RIMS1: variants seen among roughly 807,000 people sequenced by gnomAD.
RIMS1 encodes the protein regulating synaptic membrane exocytosis protein 1.
In RIMS1, 83 loss-of-function variants were observed where a neutral mutation model predicts 214.1. The ratio of observed to expected loss-of-function variants is 0.39; its 90% CI spans 0.32 to 0.47. The LOEUF is 0.47. RIMS1 is among the 20% of genes least tolerant of loss of function. The pLI, the probability that RIMS1 is intolerant of heterozygous loss-of-function variation, is 0.99. For synonymous variants in RIMS1, 793 were observed against 786.8 expected (o/e 1.01, Z -0.13); for missense variants, 2,050 against 2,161.8 (o/e 0.95, Z 1.03).
At chr6:72,169,092 T>G (rs1222439244) in intron 4 of RIMS1, among the ~76,000 whole-genome samples, 1 of 152,200 alleles carries the variant, frequency 6.6e-6, no homozygotes, top group East Asian at 1.9e-4. Context: ...AGAAGATAAA[T>G]GGATTTGGAT....
chr6:72,046,793 T>A (rs1057055322), intron 2 of RIMS1, among the ~76,000 whole-genome samples: 1 of 152,172 alleles, frequency 6.6e-6, no homozygotes, highest in Non-Finnish European at 1.5e-5. Flanking sequence ...ATAAAATAGA[T>A]GTCTGCGACT....
At chr6:72,142,929 A>C (rs539355386) in intron 4 of RIMS1, among the ~76,000 whole-genome samples, 14 of 152,198 alleles carry the variant, frequency 9.2e-5, no homozygotes, top group Non-Finnish European at 1.9e-4. Context: ...AATTTATTAG[A>C]AGTAGAGAAA....
intron 19 of RIMS1, chr6:72,262,108 G>A: frequency 1.0e-6 from 1 of 984,778 alleles, no homozygotes; most frequent in Non-Finnish European, 1.2e-6. Flanking sequence ...TACTTAGTGT[G>A]TGCCTGGCAC....
In RIMS1 at chr6:72,109,805, G is replaced by C. The variant is rs554701066; in HGVS notation, c.471+9819G>C. Among the ~76,000 whole-genome samples, 13 of 152,148 alleles carry C rather than the reference G, an allele frequency of 8.5e-5. No homozygotes were observed. In the South Asian group the frequency reaches 2.5e-3, roughly 29 times the overall value. The stretch of plus-strand genomic sequence containing the variant: ...CCTGTGTCCTGAATGGTAATGCCTA[G>C]GTTTTCTTCTAGGGTTTTTATGGTT... On this transcript the variant is annotated intron_variant, in intron 4 of 33. Transcript: ENST00000521978.
intron 26 of RIMS1, among the ~76,000 whole-genome samples, chr6:72,292,928 C>T (rs2093613445): frequency 6.6e-6 from 1 of 151,880 alleles, no homozygotes; most frequent in Non-Finnish European, 1.5e-5. Context: ...TTTTTTTCAG[C>T]AGTGTTATTG....
At chr6:72,282,012 T>C (rs2090351116) in intron 23 of RIMS1, among the ~76,000 whole-genome samples, 1 of 151,976 alleles carries the variant, frequency 6.6e-6, no homozygotes, top group Admixed American at 6.6e-5. Context: ...GCCTAGTATA[T>C]ATACATGCAC....
chr6:72,024,842 A>G (rs989060266), intron 2 of RIMS1, among the ~76,000 whole-genome samples: 2 of 150,516 alleles, frequency 1.3e-5, no homozygotes, highest in Non-Finnish European at 3.0e-5. Flanking sequence ...CATAAATAAT[A>G]TATTAAATAA....
intron 2 of RIMS1, among the ~76,000 whole-genome samples, chr6:71,975,816 C>G (rs1796981464): frequency 6.6e-6 from 1 of 152,038 alleles, no homozygotes; most frequent in South Asian, 2.1e-4. Flanking sequence ...TAAATGGAAT[C>G]ATATTATATG....
chr6:71,950,354 T>C (rs933808688), intron 1 of RIMS1, among the ~76,000 whole-genome samples: 1 of 151,950 alleles, frequency 6.6e-6, no homozygotes, highest in African/African-American at 2.4e-5. Flanking sequence ...GTGAATTTTA[T>C]TGTATAGATT....
At position 72,258,261 on chromosome 6, in the gene RIMS1, A is replaced by G; in HGVS notation, c.2907A>G (p.Leu969=). The G allele has an allele frequency of 6.2e-7, 1 of 1,613,324 alleles. No individual in the cohort carries two copies. Among genetic ancestry groups the G allele is most frequent in the Non-Finnish European group, 8.5e-7 (1 of 1,179,524 alleles). The stretch of plus-strand genomic sequence containing the variant: ...ATCAGGGAAAGCCGCGTTCACGTTT[A>G]CCAAATGTGCCATTACAGAGGTAGG... ...GNDQGKPRSR[L]PNVPLQRSLD... The change falls in exon 17 of 34, where the codon TTA becomes TTG. Residue 969 remains leucine, a synonymous_variant. Transcript: ENST00000521978.
chr6:72,354,959 C>T (rs962926997), intron 29 of RIMS1, among the ~76,000 whole-genome samples: 4 of 151,832 alleles, frequency 2.6e-5, no homozygotes, highest in East Asian at 3.9e-4. Context: ...ATATTAAACG[C>T]GAGGAATGTT....
chr6:71,967,414 C>T (rs549208304), intron 1 of RIMS1, among the ~76,000 whole-genome samples: 23 of 152,176 alleles, frequency 1.5e-4, no homozygotes, highest in African/African-American at 5.1e-4. Flanking sequence ...AATGCTGCAT[C>T]TGCTATTTTT....
chr6:72,310,091 C>G (rs2095434567), intron 27 of RIMS1, among the ~76,000 whole-genome samples: 1 of 152,030 alleles, frequency 6.6e-6, no homozygotes, highest in African/African-American at 2.4e-5. Flanking sequence ...CTGTTATTGA[C>G]TCTTTTTTAG....
At position 72,217,254 on chromosome 6, in the gene RIMS1, T is replaced by C. The variant is rs756719715; in HGVS notation, c.1679-16519T>C. 2.6e-6 allele frequency: 4 copies of C among 1,527,958 alleles called. No homozygotes were observed. In the South Asian group the frequency reaches 4.8e-5, roughly 18 times the overall value. 94.7% of individuals were successfully genotyped at this position (1,527,958 alleles called of 1,614,324 possible). ...TGCACTCAGGAACAGGTAAACTAAA[T>C]TATATTAATCTATGGATAAATGTAA... On this transcript the variant is annotated intron_variant, in intron 6 of 33. Transcript: ENST00000521978.
intron 28 of RIMS1, among the ~76,000 whole-genome samples, chr6:72,319,518 G>T (rs1032842294): frequency 6.6e-6 from 1 of 152,132 alleles, no homozygotes; most frequent in African/African-American, 2.4e-5. Flanking sequence ...CCTATGCCAG[G>T]ACAATGTGAA....
chr6:72,316,338 G>A (rs1593171101), intron 28 of RIMS1, among the ~76,000 whole-genome samples: 1 of 152,112 alleles, frequency 6.6e-6, no homozygotes, highest in Admixed American at 6.5e-5. Context: ...GACAAGGAAG[G>A]GCTATTCCAG....
At chr6:71,975,851 C>A (rs1303189509) in intron 2 of RIMS1, among the ~76,000 whole-genome samples, 2 of 151,926 alleles carry the variant, frequency 1.3e-5, no homozygotes, top group South Asian at 4.1e-4. Context: ...TGGCTTTTTT[C>A]ATTTAGCATA....
intron 29 of RIMS1, among the ~76,000 whole-genome samples, chr6:72,375,029 G>C (rs1349520324): frequency 6.6e-6 from 1 of 152,188 alleles, no homozygotes; most frequent in Non-Finnish European, 1.5e-5. Context: ...AGCTCAGGCA[G>C]TAATGCAAAC....
intron 26 of RIMS1, among the ~76,000 whole-genome samples, chr6:72,295,469 AT>A (rs1363635940): frequency 6.6e-6 from 1 of 151,912 alleles, no homozygotes; most frequent in African/African-American, 2.4e-5. Flanking sequence ...AGATAAAAAA[AT>A]AAATTTCATT....
Sources: allele counts gnomAD v4.1 joint callset (sites outside exome capture counted in the v4.1 genomes callset), GRCh38; gene constraint gnomAD v4.1.1; transcripts MANE v1.5; gene names NCBI Gene and HGNC (gene_info 2026-07-23, HGNC 2026-07-21).